RNF166: variants seen among roughly 807,000 people sequenced by gnomAD.
RNF166 encodes E3 ubiquitin-protein ligase RNF166.
RNF166 carries 19 observed loss-of-function variants against 29.4 expected under a neutral mutation model. The observed-to-expected ratio is 0.65, with a 90% CI of 0.45 to 0.95. The LOEUF (loss-of-function observed/expected upper bound fraction) is 0.95, where lower values mean the gene tolerates loss of function less well. RNF166 is among the 40% of genes least tolerant of loss of function. The pLI, the probability that RNF166 is intolerant of heterozygous loss-of-function variation, is 0.00. For synonymous variants in RNF166, 171 were observed against 134.5 expected, an observed-to-expected ratio of 1.27 and a Z score of -1.88; for missense variants, 347 against 322.1, an observed-to-expected ratio of 1.08 and a Z score of -0.59.
chr16:88,698,476 G>T (rs776617473), intron 5 of RNF166, 26 bp downstream of exon 5: 174 of 1,522,378 alleles, frequency 1.1e-4, no homozygotes, highest in Non-Finnish European at 1.5e-4. Flanking sequence ...GGGCGTGGGG[G>T]AGGACGGTGC....
At chr16:88,699,382 T>C (rs1384858707) in intron 3 of RNF166, among the ~76,000 whole-genome samples, 1 of 152,216 alleles carries the variant, frequency 6.6e-6, no homozygotes, top group African/African-American at 2.4e-5. Context: ...GGGCCCGGCC[T>C]GCGCCCTCCT....
chr16:88,698,790 T>G (rs1909900857), intron 4 of RNF166, among the ~76,000 whole-genome samples, 181 bp from the exon 5 acceptor site: 1 of 152,160 alleles, frequency 6.6e-6, no homozygotes, highest in Admixed American at 6.5e-5. Flanking sequence ...CCTGAAGGAC[T>G]CATGGACACT....
At chr16:88,698,203 G>A (rs1909824485) in intron 5 of RNF166, 4 of 614,456 alleles carry the variant, frequency 6.5e-6, no homozygotes, top group Non-Finnish European at 1.2e-5. Flanking sequence ...AAAGCTTCCA[G>A]AAGGAAGCCT....
intron 1 of RNF166, among the ~76,000 whole-genome samples, chr16:88,702,232 A>G (rs760115160): frequency 2.0e-5 from 3 of 152,192 alleles, no homozygotes; most frequent in Non-Finnish European, 2.9e-5. Flanking sequence ...GAGAGCCCCC[A>G]GTGCAAACAC....
chr16:88,699,823 G>A, intron 2 of RNF166, 91 bp from the exon 3 acceptor site: 3 of 840,302 alleles, frequency 3.6e-6, no homozygotes, highest in South Asian at 3.5e-5. Flanking sequence ...CAGGACCAGA[G>A]AACTGTAAGC....
At chr16:88,701,584 A>AT (rs1597408156) in intron 1 of RNF166, 166 bp from the exon 2 acceptor site, 1 of 655,642 alleles carries the variant, frequency 1.5e-6, no homozygotes, top group Non-Finnish European at 2.5e-6. Context: ...TCCGGGGCCC[A>AT]CCAGCTGGAT....
chr16:88,703,592 T>C (rs1390211295), intron 1 of RNF166: 1 of 985,360 alleles, frequency 1.0e-6, no homozygotes, highest in African/African-American at 1.7e-5. Flanking sequence ...GCCAGCCTGG[T>C]GTTCAGAGAG....
Position 88,706,343 on chromosome 16 carries a change from G to A in RNF166, c.-18C>T. The A allele has an allele frequency of 1.1e-5, 13 of 1,210,862 alleles. No homozygotes were observed. The highest frequency in any genetic ancestry group is 1.3e-5 in the Non-Finnish European group (13 of 974,886). 75.0% of individuals were successfully genotyped at this position (1,210,862 alleles called of 1,614,324 possible). A position where few individuals can be genotyped will look rare whatever the true frequency, so the allele number is the denominator to read the frequency against. On this transcript the variant is annotated 5_prime_UTR_variant, in exon 1 of 6. Transcript: ENST00000312838. ...ATAGCCATCCCGGGGCCAGGCCCGC[G>A]CCGCCCGCCGCCCGCTGTCCTGGCC...
At chr16:88,698,633 C>A in intron 4 of RNF166, 24 bp from the exon 5 acceptor site, 1 of 1,476,024 alleles carries the variant, frequency 6.8e-7, no homozygotes, top group Non-Finnish European at 9.1e-7. Context: ...TGGGGTCAAG[C>A]CGAGCCGGAC....
intron 1 of RNF166, chr16:88,704,021 C>G: frequency 1.0e-6 from 1 of 985,484 alleles, no homozygotes; most frequent in Admixed American, 6.1e-5. Context: ...TGGCTGAGAA[C>G]AGCTCCTGCT....
Position 88,706,322 on chromosome 16 carries a change from C to G in RNF166, c.4G>C (p.Ala2Pro). 8.2e-7 allele frequency: 1 copy of G among 1,225,718 alleles called. No homozygotes were observed. Among genetic ancestry groups the G allele is most frequent in the Non-Finnish European group, 1.0e-6 (1 of 983,582 alleles). The allele number at this position is 1,225,718 out of a possible 1,614,324, so 75.9% of individuals were successfully genotyped here. ...GAGGCCACCAGGCTGCGGAACATAG[C>G]CATCCCGGGGCCAGGCCCGCGCCGC... Reference protein sequence around the residue: MAMFRSLVASAQ... With the variant: MPMFRSLVASAQ... The change falls in exon 1 of 6, where the codon GCT becomes CCT. Residue 2 changes from alanine (A) to proline (P), a missense_variant. Ala to Pro is a conservative substitution (Grantham distance 27). Transcript: ENST00000312838.
In RNF166 at chr16:88,706,158, C is replaced by T. The variant is rs1168285097; in HGVS notation, c.155+13G>A. 3.3e-6 allele frequency: 4 copies of T among 1,199,160 alleles called. No individual in the cohort carries two copies. The Admixed American group carries it at 1.3e-4, about 40-fold the overall frequency. 74.3% of individuals were successfully genotyped at this position (1,199,160 alleles called of 1,614,324 possible). On this transcript the variant is annotated intron_variant, in intron 1 of 5. Transcript: ENST00000312838. ...CGGCCCCCTCCCCGCGGCCCCTGGG[C>T]GGGCGCGCTCACGTGTGGCCGCAGC...
At chr16:88,704,546 A>C in intron 1 of RNF166, 1 of 985,472 alleles carries the variant, frequency 1.0e-6, no homozygotes, top group Non-Finnish European at 1.2e-6. Context: ...AGGAAAGTGG[A>C]GATGCTGTGG....
In RNF166 at chr16:88,699,635, G is replaced by A. The variant is rs1910005044; in HGVS notation, c.410C>T (p.Ser137Leu). Residue 137 changes from serine to leucine, a missense_variant, in exon 3 of 6, where the codon TCA (serine) becomes TTA (leucine). Physicochemically the swap from Ser to Leu is moderately radical, Grantham distance 145. Coordinates refer to ENST00000312838, the MANE Select transcript of RNF166 (RefSeq NM_178841.4). ...GCGTGCCTACCTGGGGATAGGCTGT[G>A]ATGTGGGCACCACGGGGACGAACTT... ...CPKFVPVVPTSQPIPSNIPNR... is the reference protein window; with the variant it reads ...CPKFVPVVPTLQPIPSNIPNR... 1 of 1,613,042 alleles carries A rather than the reference G, an allele frequency of 6.2e-7. No homozygotes were observed. Among genetic ancestry groups the A allele is most frequent in the Non-Finnish European group, 8.5e-7 (1 of 1,179,574 alleles).
chr16:88,699,546 G>C, intron 3 of RNF166, 74 bp downstream of exon 3: 2 of 1,183,806 alleles, frequency 1.7e-6, no homozygotes, highest in African/African-American at 1.5e-5. Flanking sequence ...CTCTGGGATG[G>C]GGCACTGCGC....
At chr16:88,701,671 C>T (rs963899046) in intron 1 of RNF166, 8 of 459,714 alleles carry the variant, frequency 1.7e-5, no homozygotes, top group African/African-American at 4.1e-5. Flanking sequence ...GCGGCAGAGC[C>T]GTCACTATGG....
In RNF166 at chr16:88,701,356, C is replaced by T. The variant is rs758353541; in HGVS notation, c.218G>A (p.Arg73His). 5.6e-6 allele frequency: 9 copies of T among 1,613,006 alleles called. No homozygotes were observed. The highest frequency in any genetic ancestry group is 2.2e-5 in the East Asian group (1 of 44,882). The change falls in exon 2 of 6, where the codon CGC (arginine) becomes CAC (histidine). Residue 73 changes from arginine to histidine, a missense_variant. Coordinates refer to ENST00000312838, the MANE Select transcript of RNF166 (RefSeq NM_178841.4). ...QVPSPLCPLC[R>H]LPFDPKKVDK... ...CACCTTCTTGGGGTCGAAGGGCAGG[C>T]GGCAGAGTGGGCACAGCGGGGATGG...
At chr16:88,703,665 G>A in intron 1 of RNF166, 1 of 985,556 alleles carries the variant, frequency 1.0e-6, no homozygotes, top group Non-Finnish European at 1.2e-6. Flanking sequence ...CCACCCAGGG[G>A]CTGGTGCTGA....
At position 88,696,525 on chromosome 16, in the gene RNF166, T is replaced by C. The variant is rs779483688; in HGVS notation, c.*1043A>G. Reference sequence around the variant, plus strand: ...ATGCTCTGAGACATTTTATTTAAACTTTTTTTTTTAAAAAAAAGACAGCAA... The same window carrying C: ...ATGCTCTGAGACATTTTATTTAAACCTTTTTTTTTAAAAAAAAGACAGCAA... On this transcript the variant is annotated 3_prime_UTR_variant, in exon 6 of 6. Transcript: ENST00000312838. The C allele has an allele frequency of 1.9e-5, 5 of 266,710 alleles. No homozygotes were observed. The highest frequency in any genetic ancestry group is 1.5e-4 in the South Asian group (5 of 32,918). 16.5% of individuals were successfully genotyped at this position (266,710 alleles called of 1,614,324 possible).
Sources: allele counts gnomAD v4.1 joint callset (sites outside exome capture counted in the v4.1 genomes callset), GRCh38; gene constraint gnomAD v4.1.1; transcripts MANE v1.5; gene names NCBI Gene and HGNC (gene_info 2026-07-23, HGNC 2026-07-21).